CAB39L: variants seen among roughly 807,000 people sequenced by gnomAD.
CAB39L encodes the protein calcium binding protein 39 like, also known as calcium-binding protein 39-like.
CAB39L carries 23 observed loss-of-function variants against 39.1 expected under a neutral mutation model. The ratio of observed to expected loss-of-function variants is 0.59; its 90% CI spans 0.42 to 0.83. CAB39L has a LOEUF of 0.83. CAB39L is among the 40% of genes least tolerant of loss of function. The pLI, the probability that CAB39L is intolerant of heterozygous loss-of-function variation, is 0.00. For synonymous variants in CAB39L, 126 were observed against 137.2 expected (o/e 0.92, Z 0.57); for missense variants, 366 against 391.9 (o/e 0.93, Z 0.56).
intron 10 of CAB39L, among the ~76,000 whole-genome samples, chr13:49,331,232 G>A (rs1336574398): frequency 5.3e-5 from 8 of 152,100 alleles, no homozygotes; most frequent in African/African-American, 1.9e-4. Context: ...TTGGGAGGCC[G>A]AGGAGGGCGG....
chr13:49,332,167 A>G, intron 9 of CAB39L, 77 bp from the exon 10 acceptor site: 1 of 1,510,538 alleles, frequency 6.6e-7, no homozygotes, highest in African/African-American at 1.4e-5. Flanking sequence ...TTCTCACTGA[A>G]AAACAAAATA....
At chr13:49,436,639 T>C (rs1957422753) in intron 1 of CAB39L, among the ~76,000 whole-genome samples, 1 of 130,584 alleles carries the variant, frequency 7.7e-6, no homozygotes, top group Admixed American at 8.7e-5. Context: ...CTCAAGCCTC[T>C]CAAATAGCTG....
chr13:49,377,145 C>T lies in CAB39L; in HGVS notation c.112-14G>A, dbSNP rs543207760. On this transcript the variant is annotated splice_polypyrimidine_tract_variant and intron_variant, in intron 4 of 10. Transcript: ENST00000409308. ...TTCTTCTGAAGCCTAGTGACCAAAA[C>T]GTATGCTAACGGTTAAAAGAATAAA... 6.2e-6 allele frequency: 10 copies of T among 1,605,636 alleles called. No individual in the cohort carries two copies. Among genetic ancestry groups the T allele is most frequent in the South Asian group, 2.2e-5 (2 of 90,320 alleles).
intron 5 of CAB39L, among the ~76,000 whole-genome samples, chr13:49,375,332 G>A (rs1007172263): frequency 2.6e-5 from 4 of 152,114 alleles, no homozygotes; most frequent in African/African-American, 9.7e-5. Flanking sequence ...AGTCAAGTGT[G>A]TTTTTCACTA....
At chr13:49,431,081 T>G (rs558771081) in intron 3 of CAB39L, among the ~76,000 whole-genome samples, 2 of 152,366 alleles carry the variant, frequency 1.3e-5, no homozygotes, top group Non-Finnish European at 2.9e-5. Flanking sequence ...TGGACATATG[T>G]GTATTTACCT....
At chr13:49,346,110 T>TATATATATGCTAG (rs1955160085) in intron 7 of CAB39L, among the ~76,000 whole-genome samples, 3 of 53,212 alleles carry the variant, frequency 5.6e-5, no homozygotes, top group African/African-American at 2.5e-4. Context: ...GATATATATA[T>TATATATATGCTAG]ATATATATAT....
chr13:49,407,620 T>C (rs1341548731), intron 3 of CAB39L, among the ~76,000 whole-genome samples: 1 of 152,066 alleles, frequency 6.6e-6, no homozygotes, highest in Admixed American at 6.6e-5. Context: ...ACCTCCACAA[T>C]TTAGTGCTAT....
At position 49,364,749 on chromosome 13, in the gene CAB39L, A is replaced by G. The variant is rs1190041391; in HGVS notation, c.277-4917T>C. Among the ~76,000 whole-genome samples the G allele has an allele frequency of 2.0e-5, 3 of 152,126 alleles. No individual in the cohort carries two copies. In the South Asian group the frequency reaches 6.2e-4, roughly 31 times the overall value. On this transcript the variant is annotated intron_variant, in intron 5 of 10. Transcript: ENST00000409308. ...TTAACTTAACCAAAGAAGTAAAAAAATCTCCATAATGAAAACTATAAAAAA... is the reference window on the plus strand; with the variant it reads ...TTAACTTAACCAAAGAAGTAAAAAAGTCTCCATAATGAAAACTATAAAAAA...
chr13:49,441,209 T>A (rs1403465827), intron 1 of CAB39L, among the ~76,000 whole-genome samples: 2 of 122,174 alleles, frequency 1.6e-5, no homozygotes, highest in African/African-American at 9.9e-5. Flanking sequence ...GATTTTCTTA[T>A]AATGATTTAG....
At chr13:49,397,636 C>A (rs1392010845) in intron 3 of CAB39L, among the ~76,000 whole-genome samples, 3 of 151,936 alleles carry the variant, frequency 2.0e-5, no homozygotes, top group African/African-American at 7.2e-5. Context: ...TAACTTTATT[C>A]ATTACGTTCA....
rs57089737 is a variant in CAB39L, at chr13:49,337,732, G to GCACA, written c.690+1941_690+1944dup. The stretch of plus-strand genomic sequence containing the variant: ...TCACTGATCGTCTAGCTGCTCTGGC[G>GCACA]CACACACACACACACACACACACAC... On this transcript the variant is annotated intron_variant, in intron 9 of 10. Coordinates refer to ENST00000409308, the MANE Select transcript of CAB39L (RefSeq NM_001079670.3). 1.7e-3 allele frequency among the ~76,000 whole-genome samples: 246 copies of GCACA among 144,292 alleles called. 3 individuals carry two copies. The highest frequency in any genetic ancestry group is 3.4e-3 in the Middle Eastern group (1 of 290). The allele number at this position is 144,292 out of a possible 152,430, so 94.7% of individuals were successfully genotyped here. A position where few individuals can be genotyped will look rare whatever the true frequency, so the allele number is the denominator to read the frequency against.
At chr13:49,391,679 C>T (rs910306296) in intron 3 of CAB39L, among the ~76,000 whole-genome samples, 2 of 151,934 alleles carry the variant, frequency 1.3e-5, no homozygotes, top group South Asian at 2.1e-4. Flanking sequence ...TTAAGATAAA[C>T]CTGTTTCTTG....
At chr13:49,392,868 T>C (rs975748433) in intron 3 of CAB39L, 1 of 151,986 alleles carries the variant, frequency 6.6e-6, no homozygotes, top group African/African-American at 2.4e-5. Flanking sequence ...TAATAGAAAA[T>C]TGATGAATAT....
At chr13:49,345,864 A>C (rs932057032) in intron 7 of CAB39L, among the ~76,000 whole-genome samples, 3 of 151,910 alleles carry the variant, frequency 2.0e-5, no homozygotes, top group African/African-American at 7.3e-5. Context: ...CCCAGTGGCA[A>C]CAAAAAGAGC....
intron 3 of CAB39L, among the ~76,000 whole-genome samples, chr13:49,411,159 A>G (rs1486257656): frequency 1.3e-5 from 2 of 152,114 alleles, no homozygotes; most frequent in African/African-American, 2.4e-5. Context: ...CTGTAATCCC[A>G]GCACTTTGGG....
chr13:49,346,281 C>A (rs1955173006), intron 7 of CAB39L, among the ~76,000 whole-genome samples: 1 of 142,136 alleles, frequency 7.0e-6, no homozygotes, highest in Non-Finnish European at 1.5e-5. Flanking sequence ...GGCTTATGTA[C>A]ACATAATACA....
chr13:49,389,435 G>A (rs979844828), intron 3 of CAB39L, among the ~76,000 whole-genome samples: 17 of 152,146 alleles, frequency 1.1e-4, no homozygotes, highest in African/African-American at 4.1e-4. Flanking sequence ...GAGTCCAGGA[G>A]TTCGAGACCA....
chr13:49,346,131 T>C (rs572178769), intron 7 of CAB39L, among the ~76,000 whole-genome samples: 1 of 38,146 alleles, frequency 2.6e-5, no homozygotes, highest in East Asian at 1.5e-3. Context: ...ATATCATGGA[T>C]ACAGCCAATA....
chr13:49,365,974 A>G (rs1955760454), intron 5 of CAB39L, among the ~76,000 whole-genome samples: 2 of 152,248 alleles, frequency 1.3e-5, no homozygotes, highest in African/African-American at 4.8e-5. Flanking sequence ...ATTCAGTCAT[A>G]AAAAGGAATG....
Sources: allele counts gnomAD v4.1 joint callset (sites outside exome capture counted in the v4.1 genomes callset), GRCh38; gene constraint gnomAD v4.1.1; transcripts MANE v1.5; gene names NCBI Gene and HGNC (gene_info 2026-07-23, HGNC 2026-07-21).